EGF: variants seen among roughly 807,000 people sequenced by gnomAD.
EGF encodes pro-epidermal growth factor.
In EGF, 95 loss-of-function variants were observed where a neutral mutation model predicts 143.8. The observed-to-expected ratio is 0.66, with a 90% CI of 0.56 to 0.78. The LOEUF is 0.78. Among genes scored for constraint, EGF ranks in the 30% least tolerant of loss-of-function variants. EGF has a pLI of 0.00. For synonymous variants in EGF, 510 were observed against 510.5 expected (o/e 1.00, Z 0.01); for missense variants, 1,320 against 1,470.9 (o/e 0.90, Z 1.68).
chr4:110,011,815 C>A lies in EGF; in HGVS notation c.*360C>A. On this transcript the variant is annotated 3_prime_UTR_variant, in exon 24 of 24. Transcript: ENST00000265171. ...TTAGGGGTTAAAGCAGACAGTCACA[C>A]TGGTTTGGTCAGTTACAAAGTAATT... The A allele has an allele frequency of 3.0e-6, 1 of 334,156 alleles. No individual in the cohort carries two copies. Among genetic ancestry groups the A allele is most frequent in the Non-Finnish European group, 5.7e-6 (1 of 174,836 alleles). The allele number at this position is 334,156 out of a possible 1,614,324, so 20.7% of individuals were successfully genotyped here. A position where few individuals can be genotyped will look rare whatever the true frequency, so the allele number is the denominator to read the frequency against.
chr4:109,936,737 G>C (rs959901954), intron 1 of EGF, among the ~76,000 whole-genome samples: 1 of 152,134 alleles, frequency 6.6e-6, no homozygotes, highest in African/African-American at 2.4e-5. Flanking sequence ...CTGGTACATT[G>C]TGTCTTTGTT....
At chr4:109,987,345 C>T (rs550791801) in intron 16 of EGF, among the ~76,000 whole-genome samples, 6 of 151,912 alleles carry the variant, frequency 3.9e-5, no homozygotes, top group Non-Finnish European at 5.9e-5. Flanking sequence ...ACTTTGTCAC[C>T]CAGGCTGGAG....
rs776019383 is a variant in EGF, at chr4:109,941,411, T to A, written c.327+266T>A. 7.3e-4 allele frequency among the ~76,000 whole-genome samples: 111 copies of A among 152,280 alleles called. No homozygotes were observed. In the Middle Eastern group the frequency reaches 0.017, roughly 23 times the overall value. ...GAGTTTATTAAGTCAGATCACCATTTTATGATTAAGATAGATTATTTGCAT... is the reference window on the plus strand; with the variant it reads ...GAGTTTATTAAGTCAGATCACCATTATATGATTAAGATAGATTATTTGCAT... On this transcript the variant is annotated intron_variant, in intron 2 of 23. Transcript: ENST00000265171.
chr4:109,944,759 T>C (rs1466284353), intron 4 of EGF, among the ~76,000 whole-genome samples: 1 of 152,212 alleles, frequency 6.6e-6, no homozygotes, highest in Non-Finnish European at 1.5e-5. Context: ...CAGAAATTCG[T>C]CATGTGAAAT....
Position 109,964,392 on chromosome 4 carries a change from G to A in EGF, c.1439-9G>A. ...TTAAATTCAGCCATATTTGAAATTT[G>A]GTTAACAGGACCACAACCATTTTTG... On this transcript the variant is annotated splice_polypyrimidine_tract_variant and intron_variant, in intron 9 of 23. Coordinates refer to ENST00000265171, the MANE Select transcript of EGF (RefSeq NM_001963.6). 1 of 1,613,758 alleles carries A rather than the reference G, an allele frequency of 6.2e-7. No individual in the cohort carries two copies. The highest frequency in any genetic ancestry group is 8.5e-7 in the Non-Finnish European group (1 of 1,179,754).
chr4:109,935,932 C>A (rs1223636522), intron 1 of EGF, among the ~76,000 whole-genome samples: 3 of 152,134 alleles, frequency 2.0e-5, no homozygotes, highest in Non-Finnish European at 4.4e-5. Flanking sequence ...TGATGTGTTG[C>A]TGGATCCGGT....
intron 8 of EGF, among the ~76,000 whole-genome samples, chr4:109,962,499 C>T (rs1033956007): frequency 6.6e-6 from 1 of 152,078 alleles, no homozygotes; most frequent in Non-Finnish European, 1.5e-5. Context: ...AAAACAAAGC[C>T]AAGCAGCTAA....
chr4:109,988,793 G>T, intron 18 of EGF, 84 bp downstream of exon 18: 1 of 1,595,604 alleles, frequency 6.3e-7, no homozygotes, highest in Non-Finnish European at 8.6e-7. Context: ...GCAGAGGGAA[G>T]ACAGGATATA....
chr4:109,934,629 C>T (rs61207651), intron 1 of EGF, among the ~76,000 whole-genome samples: 1,554 of 152,268 alleles, frequency 0.01, 27 homozygotes, highest in African/African-American at 0.035. Context: ...GTCATGAAGT[C>T]TTTGCCCATG....
At chr4:110,003,952 T>G (rs1316150762) in intron 21 of EGF, among the ~76,000 whole-genome samples, 1 of 152,118 alleles carries the variant, frequency 6.6e-6, no homozygotes, top group Admixed American at 6.5e-5. Flanking sequence ...TACACTACCC[T>G]TGGTAGCTGT....
At position 109,943,928 on chromosome 4, in the gene EGF, C is replaced by G; in HGVS notation, c.596C>G (p.Ser199Ter). The G allele has an allele frequency of 6.2e-7, 1 of 1,614,092 alleles. No individual in the cohort carries two copies. Among genetic ancestry groups the G allele is most frequent in the Non-Finnish European group, 8.5e-7 (1 of 1,180,008 alleles). ...GGAGTGAAGGCTCTGTTGGAGACATCAGAGAAAATAACAGCTGTGTCATTG... is the reference window on the plus strand; with the variant it reads ...GGAGTGAAGGCTCTGTTGGAGACATGAGAGAAAATAACAGCTGTGTCATTG... ...GVGVKALLET[S>*]EKITAVSLDV... The change falls in exon 4 of 24, where the codon TCA (serine) becomes TGA (stop). Residue 199 changes from serine (S) to a stop codon, truncating the protein, a stop_gained. Transcript: ENST00000265171. LOFTEE classifies it high-confidence loss of function.
At chr4:109,965,422 A>G (rs1560702881) in intron 10 of EGF, among the ~76,000 whole-genome samples, 1 of 152,176 alleles carries the variant, frequency 6.6e-6, no homozygotes, top group Non-Finnish European at 1.5e-5. Context: ...TTTGCAAATT[A>G]AAGTTTTGCA....
At chr4:109,976,870 C>T (rs1364454493) in intron 13 of EGF, among the ~76,000 whole-genome samples, 3 of 152,100 alleles carry the variant, frequency 2.0e-5, no homozygotes, top group African/African-American at 7.2e-5. Context: ...TTAGTACTAC[C>T]AGGATATGTT....
At chr4:109,972,675 G>T (rs889089419) in intron 11 of EGF, among the ~76,000 whole-genome samples, 2 of 152,222 alleles carry the variant, frequency 1.3e-5, no homozygotes, top group Non-Finnish European at 2.9e-5. Flanking sequence ...CACTGGAGTA[G>T]AAATGGTTTC....
chr4:110,004,585 A>G lies in EGF; in HGVS notation c.3254A>G (p.Asp1085Gly), dbSNP rs1279086387. The G allele has an allele frequency of 6.2e-7, 1 of 1,613,868 alleles. No homozygotes were observed. Among genetic ancestry groups the G allele is most frequent in the Non-Finnish European group, 8.5e-7 (1 of 1,179,882 alleles). The change falls in exon 22 of 24, where the codon GAC becomes GGC. Residue 1085 changes from aspartate to glycine, a missense_variant. Physicochemically the swap from Asp to Gly is moderately conservative, Grantham distance 94. Transcript: ENST00000265171. The part of the protein sequence containing the change: ...SRDVRSRRPA[D>G]TEDGMSSCPQ... ...GATGTGAGGAGTCGCAGGCCTGCTGACACTGAGGATGGGATGTCCTCTTGC... is the reference window on the plus strand; with the variant it reads ...GATGTGAGGAGTCGCAGGCCTGCTGGCACTGAGGATGGGATGTCCTCTTGC...
intron 1 of EGF, among the ~76,000 whole-genome samples, chr4:109,926,090 AT>A (rs372156567): frequency 6.6e-6 from 1 of 152,312 alleles, no homozygotes; most frequent in African/African-American, 2.4e-5. Flanking sequence ...GAACAGTCAA[AT>A]GTCACATGTC....
intron 5 of EGF, among the ~76,000 whole-genome samples, chr4:109,951,343 G>A (rs754246847): frequency 1.6e-4 from 25 of 152,116 alleles, no homozygotes; most frequent in African/African-American, 5.1e-4. Flanking sequence ...GGGCAACAGA[G>A]CAAGACTCCG....
intron 23 of EGF, 147 bp from the exon 24 acceptor site, chr4:110,011,055 A>AG: frequency 1.1e-6 from 1 of 916,174 alleles, no homozygotes; most frequent in African/African-American, 1.7e-5. Flanking sequence ...AAAAAAAGAG[A>AG]AAAAAATGTG....
At chr4:109,943,154 C>T (rs1742205275) in intron 2 of EGF, 100 bp from the exon 3 acceptor site, 2 of 856,600 alleles carry the variant, frequency 2.3e-6, no homozygotes, top group Non-Finnish European at 3.5e-6. Context: ...ATAAAGATGA[C>T]AAATACTTAA....
Sources: allele counts gnomAD v4.1 joint callset (sites outside exome capture counted in the v4.1 genomes callset), GRCh38; gene constraint gnomAD v4.1.1; transcripts MANE v1.5; gene names NCBI Gene and HGNC (gene_info 2026-07-23, HGNC 2026-07-21).